Variants in FAM13C observed in about 807,000 individuals in gnomAD.
The protein encoded by FAM13C is family with sequence similarity 13 member C.
In FAM13C, 37 loss-of-function variants were observed where a neutral mutation model predicts 73.2. The ratio of observed to expected loss-of-function variants is 0.51; its 90% CI spans 0.39 to 0.67. The LOEUF is 0.67. Among genes scored for constraint, FAM13C ranks in the 30% least tolerant of loss-of-function variants. The probability of loss-of-function intolerance (pLI) is 0.00; values close to 1 mark genes in which losing one functional copy is unlikely to be tolerated. For missense variants in FAM13C, 589 were observed against 715.6 expected, an observed-to-expected ratio of 0.82 and a Z score of 2.02; for synonymous variants, 246 against 260.9, an observed-to-expected ratio of 0.94 and a Z score of 0.55.
chr10:59,275,107 G>A (rs1046839299), intron 6 of FAM13C, among the ~76,000 whole-genome samples: 6 of 152,162 alleles, frequency 3.9e-5, no homozygotes, highest in African/African-American at 1.4e-4. Context: ...TTTCATTTAT[G>A]AGCAGAAGCA....
At chr10:59,319,342 C>A (rs1324921825) in intron 4 of FAM13C, among the ~76,000 whole-genome samples, 2 of 152,312 alleles carry the variant, frequency 1.3e-5, no homozygotes, top group Non-Finnish European at 1.5e-5. Context: ...CTGGAACTTA[C>A]AATGTAACCA....
intron 10 of FAM13C, among the ~76,000 whole-genome samples, chr10:59,260,069 A>AT (rs200567465): frequency 0.031 from 4,566 of 146,328 alleles, 205 homozygotes; most frequent in African/African-American, 0.1. Context: ...ACCATCCCGG[A>AT]TTTTTTTTTT....
chr10:59,350,142 A>G (rs1854837048), intron 3 of FAM13C, among the ~76,000 whole-genome samples: 1 of 152,220 alleles, frequency 6.6e-6, no homozygotes, highest in African/African-American at 2.4e-5. Context: ...AATGAAGCTC[A>G]TTGTATCAGA....
intron 3 of FAM13C, among the ~76,000 whole-genome samples, chr10:59,338,737 T>G (rs1332859010): frequency 6.6e-6 from 1 of 152,172 alleles, no homozygotes; most frequent in Non-Finnish European, 1.5e-5. Context: ...TATTGCCCTA[T>G]GCCCATATGT....
At chr10:59,273,246 T>C (rs1403541456) in intron 6 of FAM13C, among the ~76,000 whole-genome samples, 1 of 152,218 alleles carries the variant, frequency 6.6e-6, no homozygotes, top group African/African-American at 2.4e-5. Context: ...TATTCACCCA[T>C]GCATCCTTTG....
At chr10:59,310,734 A>T (rs1848824777) in intron 4 of FAM13C, among the ~76,000 whole-genome samples, 1 of 152,174 alleles carries the variant, frequency 6.6e-6, no homozygotes, top group Non-Finnish European at 1.5e-5. Flanking sequence ...CAGAACACTG[A>T]TCCCCAATGG....
intron 4 of FAM13C, among the ~76,000 whole-genome samples, chr10:59,314,497 T>C (rs1295663109): frequency 6.6e-6 from 1 of 152,224 alleles, no homozygotes. Context: ...CTTTCCTCTT[T>C]ACACTACAGT....
Position 59,262,509 on chromosome 10 carries a change from T to C in FAM13C, c.1161A>G (p.Gly387=). The C allele has an allele frequency of 6.2e-7, 1 of 1,613,736 alleles. No homozygotes were observed. Among genetic ancestry groups the C allele is most frequent in the Non-Finnish European group, 8.5e-7 (1 of 1,179,772 alleles). ...EAAGPEPSSS[G]EETPDAALTC... is the part of the protein sequence containing the mutation. ...TCAAGGCAGCATCTGGAGTCTCTTC[T>C]CCAGAGGAGCTTGGCTCCGGGCCCG... The change falls in exon 10 of 14, where the codon GGA becomes GGG. Residue 387 remains glycine (G), a synonymous_variant. Coordinates refer to ENST00000618804, the MANE Select transcript of FAM13C (RefSeq NM_198215.4).
intron 5 of FAM13C, among the ~76,000 whole-genome samples, chr10:59,301,532 A>C (rs1003134672): frequency 1.3e-5 from 2 of 152,252 alleles, no homozygotes; most frequent in Non-Finnish European, 2.9e-5. Context: ...CAGCATTCCC[A>C]TGGATTTGCA....
At chr10:59,354,334 A>C (rs1268899520) in intron 2 of FAM13C, among the ~76,000 whole-genome samples, 5 of 152,214 alleles carry the variant, frequency 3.3e-5, no homozygotes, top group Non-Finnish European at 5.9e-5. Flanking sequence ...TGGTTACAAA[A>C]GTCATATTTA....
chr10:59,315,644 CT>C (rs1849448016), intron 4 of FAM13C, among the ~76,000 whole-genome samples: 1 of 152,170 alleles, frequency 6.6e-6, no homozygotes, highest in Non-Finnish European at 1.5e-5. Context: ...CCCCACATGA[CT>C]TCCAAATGTC....
chr10:59,344,361 T>C (rs1244795589), intron 3 of FAM13C, among the ~76,000 whole-genome samples: 6 of 141,774 alleles, frequency 4.2e-5, no homozygotes, highest in South Asian at 2.3e-4. Flanking sequence ...TCACTGCAAG[T>C]TCCGCCCCCC....
intron 2 of FAM13C, 99 bp from the exon 3 acceptor site, chr10:59,352,573 T>C (rs1425830924): frequency 1.2e-5 from 16 of 1,320,372 alleles, no homozygotes; most frequent in South Asian, 6.2e-5. Flanking sequence ...GCTATATTTA[T>C]AGGATAGACA....
At position 59,324,902 on chromosome 10, in the gene FAM13C, A is replaced by C. The variant is rs111395876; in HGVS notation, c.325-796T>G. ...ACTCTACAGAATAAACACAATAAAC[A>C]CACCAAAACTAAAACTAATCTGGAT... is the stretch of plus-strand genomic sequence containing the variant. On this transcript the variant is annotated intron_variant, in intron 3 of 13. Coordinates refer to ENST00000618804, the MANE Select transcript of FAM13C (RefSeq NM_198215.4). Among the ~76,000 whole-genome samples, 1,238 of 151,244 alleles carry C rather than the reference A, an allele frequency of 8.2e-3. 22 individuals carry two copies. Among genetic ancestry groups the C allele is most frequent in the African/African-American group, 0.029 (1,190 of 40,510 alleles).
intron 1 of FAM13C, among the ~76,000 whole-genome samples, chr10:59,358,424 T>C (rs1162995090): frequency 6.6e-6 from 1 of 152,200 alleles, no homozygotes; most frequent in Non-Finnish European, 1.5e-5. Flanking sequence ...CCTTCTTTAC[T>C]TTCTTGCCAA....
intron 1 of FAM13C, among the ~76,000 whole-genome samples, chr10:59,361,634 T>C (rs1856433492): frequency 6.6e-6 from 1 of 152,072 alleles, no homozygotes. Flanking sequence ...ATAAATTACA[T>C]ACAGTATTAG....
intron 1 of FAM13C, chr10:59,361,021 A>G (rs1430885152): frequency 1.6e-6 from 2 of 1,289,174 alleles, no homozygotes; most frequent in Non-Finnish European, 2.0e-6. Context: ...GGAGGAGAGC[A>G]GTACCTGTGC....
chr10:59,355,774 C>T, intron 2 of FAM13C, 113 bp downstream of exon 2: 1 of 1,110,598 alleles, frequency 9.0e-7, no homozygotes, highest in South Asian at 1.4e-5. Context: ...AGAGATGAGA[C>T]ATGAGAACAA....
intron 4 of FAM13C, among the ~76,000 whole-genome samples, chr10:59,309,414 T>C (rs1444505409): frequency 6.6e-6 from 1 of 152,210 alleles, no homozygotes; most frequent in Non-Finnish European, 1.5e-5. Flanking sequence ...CCGAGAGTAC[T>C]GTATGACACC....
Sources: allele counts gnomAD v4.1 joint callset (sites outside exome capture counted in the v4.1 genomes callset), GRCh38; gene constraint gnomAD v4.1.1; transcripts MANE v1.5; gene names NCBI Gene and HGNC (gene_info 2026-07-23, HGNC 2026-07-21).